Variants in CDH18 observed in about 807,000 individuals in gnomAD.
The protein encoded by CDH18 is cadherin 18.
Under a neutral mutation model 67.9 loss-of-function variants are expected in CDH18, and 31 were observed. That is an observed-to-expected ratio of 0.46 (90% CI 0.34 to 0.62). CDH18 has a LOEUF of 0.62. Ranked by LOEUF, CDH18 falls within the 20% of genes least tolerant of loss-of-function variation. CDH18 has a pLI of 0.01. For synonymous variants in CDH18, 362 were observed against 347.2 expected (o/e 1.04, Z -0.48); for missense variants, 890 against 975.5 (o/e 0.91, Z 1.17).
Position 19,472,447 on chromosome 5 carries a change from T to C in CDH18, c.*779A>G, listed in dbSNP as rs1029623346. Among the ~76,000 whole-genome samples, 1 of 152,130 alleles carries C rather than the reference T, an allele frequency of 6.6e-6. No homozygotes were observed. The highest frequency in any genetic ancestry group is 2.4e-5 in the African/African-American group (1 of 41,430). On this transcript the variant is annotated 3_prime_UTR_variant, in exon 13 of 13. Coordinates refer to ENST00000382275, the MANE Select transcript of CDH18 (RefSeq NM_004934.5). ...TAAAATTAAATTATTCCCTGACATA[T>C]CAGATTTTCATAACATACCTTAAAC...
At position 20,570,227 on chromosome 5, in the gene CDH18, T is replaced by C. The variant is rs182581905; in HGVS notation, c.-580+5235A>G. On this transcript the variant is annotated intron_variant, in intron 1 of 14. Transcript: ENST00000507958. Reference sequence around the variant, plus strand: ...AATGGTTCTTCCATTGCAACAAATATACCACACTAATGCAAGATGTTAATC... The same window carrying C: ...AATGGTTCTTCCATTGCAACAAATACACCACACTAATGCAAGATGTTAATC... 9.1e-4 allele frequency among the ~76,000 whole-genome samples: 139 copies of C among 152,246 alleles called. 1 individual carries two copies. Among genetic ancestry groups the C allele is most frequent in the Non-Finnish European group, 1.5e-3 (104 of 67,996 alleles).
At chr5:20,450,292 A>G (rs1238655439) in intron 1 of CDH18, among the ~76,000 whole-genome samples, 1 of 152,190 alleles carries the variant, frequency 6.6e-6, no homozygotes, top group South Asian at 2.1e-4. Flanking sequence ...GGTTGCAGTG[A>G]GCTGAGATCA....
intron 2 of CDH18, among the ~76,000 whole-genome samples, chr5:20,050,270 T>C (rs1741299804): frequency 6.6e-6 from 1 of 151,900 alleles, no homozygotes; most frequent in Non-Finnish European, 1.5e-5. Flanking sequence ...TGCCTAATAG[T>C]TACTCTCTAT....
intron 1 of CDH18, among the ~76,000 whole-genome samples, chr5:20,408,090 C>T (rs145605406): frequency 6.6e-6 from 1 of 151,866 alleles, no homozygotes; most frequent in East Asian, 1.9e-4. Flanking sequence ...ACTTTTTAGG[C>T]CAAAAGGGCC....
intron 2 of CDH18, among the ~76,000 whole-genome samples, chr5:20,215,457 T>G (rs1561883773): frequency 8.3e-6 from 1 of 120,898 alleles, no homozygotes; most frequent in Non-Finnish European, 1.7e-5. Flanking sequence ...AATAAATAAA[T>G]AAATAAATAA....
chr5:19,928,177 T>G (rs2150189615), intron 2 of CDH18, among the ~76,000 whole-genome samples: 1 of 152,260 alleles, frequency 6.6e-6, no homozygotes, highest in South Asian at 2.1e-4. Flanking sequence ...TTTCAATGGC[T>G]GCAGTCCAAA....
intron 7 of CDH18, among the ~76,000 whole-genome samples, chr5:19,586,870 G>A (rs754177990): frequency 2.6e-4 from 40 of 152,172 alleles, no homozygotes; most frequent in Admixed American, 2.6e-4. Context: ...GTTAGCATCT[G>A]TTGTATTTGA....
intron 2 of CDH18, among the ~76,000 whole-genome samples, chr5:20,219,183 T>G (rs1181843947): frequency 1.3e-5 from 2 of 151,858 alleles, no homozygotes; most frequent in African/African-American, 4.8e-5. Flanking sequence ...AATGTTGAAA[T>G]TCAAGGGATC....
chr5:19,561,557 T>C (rs556254617), intron 8 of CDH18, among the ~76,000 whole-genome samples: 3 of 152,192 alleles, frequency 2.0e-5, no homozygotes, highest in South Asian at 4.1e-4. Context: ...GTTCAGTGTA[T>C]ACTGATCAGG....
intron 1 of CDH18, among the ~76,000 whole-genome samples, chr5:20,536,641 C>T (rs567742855): frequency 6.6e-6 from 1 of 152,102 alleles, no homozygotes; most frequent in East Asian, 1.9e-4. Context: ...GCCTATGGCA[C>T]TACAAATTAT....
At chr5:20,423,680 T>C (rs1748038189) in intron 1 of CDH18, among the ~76,000 whole-genome samples, 2 of 150,846 alleles carry the variant, frequency 1.3e-5, no homozygotes, top group Admixed American at 1.3e-4. Context: ...GCGCGGTGGC[T>C]CATGCCTGTA....
intron 2 of CDH18, among the ~76,000 whole-genome samples, chr5:19,957,710 T>A (rs1796387306): frequency 6.6e-6 from 1 of 152,028 alleles, no homozygotes; most frequent in Non-Finnish European, 1.5e-5. Context: ...ACATTGGCCT[T>A]ACTCTTTGTC....
chr5:19,530,131 A>C (rs1241860507), intron 9 of CDH18, among the ~76,000 whole-genome samples: 3 of 152,190 alleles, frequency 2.0e-5, no homozygotes, highest in Non-Finnish European at 4.4e-5. Flanking sequence ...TGATAAATAC[A>C]CAAATGCTCA....
At position 19,604,530 on chromosome 5, in the gene CDH18, AACACACACACACACACACACAC is replaced by A. The variant is rs4002268; in HGVS notation, c.811+7882_811+7903del. ...GCTGAGAATGCTAATTTCAAATTAA[AACACACACACACACACACACAC>A]ACACACACACACACACACACACACA... On this transcript the variant is annotated intron_variant, in intron 6 of 12. Transcript: ENST00000382275. Among the ~76,000 whole-genome samples, 6 of 145,190 alleles carry A rather than the reference AACACACACACACACACACACAC, an allele frequency of 4.1e-5. No individual in the cohort carries two copies. In the East Asian group the frequency reaches 6.1e-4, roughly 15 times the overall value.
chr5:19,905,964 T>A (rs867576110), intron 2 of CDH18, among the ~76,000 whole-genome samples: 3 of 152,066 alleles, frequency 2.0e-5, no homozygotes, highest in Admixed American at 6.6e-5. Flanking sequence ...TTTCTAGATA[T>A]CCTGAAGCTA....
chr5:20,360,827 A>C (rs546597461), intron 1 of CDH18, among the ~76,000 whole-genome samples: 3 of 152,118 alleles, frequency 2.0e-5, no homozygotes, highest in Non-Finnish European at 4.4e-5. Context: ...GTGTAAGCCT[A>C]ATTTTTTTTC....
chr5:20,279,719 A>AT (rs1746089216), intron 1 of CDH18, among the ~76,000 whole-genome samples: 1 of 148,734 alleles, frequency 6.7e-6, no homozygotes, highest in African/African-American at 2.5e-5. Context: ...AAAAAAAAAA[A>AT]AAAAAAAAAG....
chr5:20,440,765 T>A (rs762113193), intron 1 of CDH18, among the ~76,000 whole-genome samples: 1 of 152,100 alleles, frequency 6.6e-6, no homozygotes, highest in South Asian at 2.1e-4. Context: ...TCATGGAGAC[T>A]TGGCTAGGAA....
At chr5:20,404,480 C>T (rs1199916578) in intron 1 of CDH18, among the ~76,000 whole-genome samples, 2 of 152,034 alleles carry the variant, frequency 1.3e-5, no homozygotes, top group South Asian at 2.1e-4. Flanking sequence ...GAGGCCATTA[C>T]ACAATTTTTT....
Sources: allele counts gnomAD v4.1 joint callset (sites outside exome capture counted in the v4.1 genomes callset), GRCh38; gene constraint gnomAD v4.1.1; transcripts MANE v1.5; gene names NCBI Gene and HGNC (gene_info 2026-07-23, HGNC 2026-07-21).